PPP2R5A: variants seen among roughly 807,000 people sequenced by gnomAD.
The protein encoded by PPP2R5A is protein phosphatase 2 regulatory subunit B'alpha, also known as serine/threonine-protein phosphatase 2A 56 kDa regulatory subunit alpha isoform.
In PPP2R5A, 25 loss-of-function variants were observed where a neutral mutation model predicts 64.2. The observed-to-expected ratio is 0.39, with a 90% CI of 0.28 to 0.54. The LOEUF is 0.54. Among genes scored for constraint, PPP2R5A ranks in the 20% least tolerant of loss-of-function variants. The pLI is 0.67. For synonymous variants in PPP2R5A, 198 were observed against 201.2 expected, an observed-to-expected ratio of 0.98 and a Z score of 0.13; for missense variants, 425 against 576.3, an observed-to-expected ratio of 0.74 and a Z score of 2.69.
rs1660067656 is a variant in PPP2R5A at position 212,360,829 on chromosome 1, G to A, written c.*59G>A. On this transcript the variant is annotated 3_prime_UTR_variant, in exon 13 of 13. Transcript: ENST00000261461. Reference sequence around the variant, plus strand: ...AGTTTTGTATGCTTTTTTGAAATATGTAAAAATTACAAAACAAACCTCATC... The same window carrying A: ...AGTTTTGTATGCTTTTTTGAAATATATAAAAATTACAAAACAAACCTCATC... The A allele has an allele frequency of 2.8e-6, 4 of 1,447,304 alleles. No individual in the cohort carries two copies. The highest frequency in any genetic ancestry group is 3.7e-6 in the Non-Finnish European group (4 of 1,091,752). 89.7% of individuals were successfully genotyped at this position (1,447,304 alleles called of 1,614,324 possible).
chr1:212,317,583 ATTT>A (rs535465498), intron 1 of PPP2R5A, among the ~76,000 whole-genome samples: 1 of 147,824 alleles, frequency 6.8e-6, no homozygotes. Flanking sequence ...ATACACTCTG[ATTT>A]TTTTTTTTTA....
chr1:212,356,913 T>C, intron 9 of PPP2R5A, 37 bp from the exon 10 acceptor site: 1 of 1,450,628 alleles, frequency 6.9e-7, no homozygotes, highest in South Asian at 1.3e-5. Flanking sequence ...TTCACATAAT[T>C]TATCATGTTT....
At chr1:212,309,057 C>A in intron 1 of PPP2R5A, 1 of 775,680 alleles carries the variant, frequency 1.3e-6, no homozygotes, top group South Asian at 1.3e-5. Flanking sequence ...TTTAGATGAT[C>A]TCGATTTTGT....
chr1:212,319,571 CT>C (rs886151587), intron 1 of PPP2R5A: 2 of 149,606 alleles, frequency 1.3e-5, no homozygotes, highest in Non-Finnish European at 3.0e-5. Flanking sequence ...ATTGTCTGTG[CT>C]TTTTACATTT....
chr1:212,301,273 A>G (rs1490400992), intron 1 of PPP2R5A, among the ~76,000 whole-genome samples: 2 of 152,210 alleles, frequency 1.3e-5, no homozygotes, highest in Non-Finnish European at 2.9e-5. Flanking sequence ...GGCCCCCCCA[A>G]AGTGCTGGGA....
chr1:212,337,131 T>A (rs1217705102), intron 3 of PPP2R5A, among the ~76,000 whole-genome samples: 1 of 152,186 alleles, frequency 6.6e-6, no homozygotes, highest in Admixed American at 6.5e-5. Flanking sequence ...GGGGATAGGT[T>A]GTATCTTCTA....
chr1:212,311,826 A>G (rs1659039436), intron 1 of PPP2R5A, among the ~76,000 whole-genome samples: 1 of 152,226 alleles, frequency 6.6e-6, no homozygotes, highest in South Asian at 2.1e-4. Context: ...ACAGCTGTAC[A>G]GTGTGTGTTT....
chr1:212,325,295 A>C (rs1403853389), intron 1 of PPP2R5A, among the ~76,000 whole-genome samples: 2 of 152,142 alleles, frequency 1.3e-5, no homozygotes, highest in African/African-American at 4.8e-5. Flanking sequence ...TACCTAAGGG[A>C]AATTTTGTGG....
intron 5 of PPP2R5A, 81 bp downstream of exon 5, chr1:212,346,014 T>G: frequency 7.2e-6 from 10 of 1,386,756 alleles, no homozygotes; most frequent in Non-Finnish European, 9.7e-6. Flanking sequence ...TTTTATTTGT[T>G]TTTTTGAGAC....
At chr1:212,293,572 T>C (rs1423832571) in intron 1 of PPP2R5A, among the ~76,000 whole-genome samples, 3 of 152,232 alleles carry the variant, frequency 2.0e-5, no homozygotes, top group Non-Finnish European at 1.5e-5. Flanking sequence ...AGCCTAGTTT[T>C]TATATCTGTC....
At chr1:212,300,091 A>G (rs537319340) in intron 1 of PPP2R5A, among the ~76,000 whole-genome samples, 2 of 152,176 alleles carry the variant, frequency 1.3e-5, no homozygotes, top group Non-Finnish European at 2.9e-5. Context: ...AGGGATTAAC[A>G]GGTGTGAGCC....
intron 1 of PPP2R5A, among the ~76,000 whole-genome samples, chr1:212,328,641 G>A (rs952072999): frequency 2.6e-5 from 4 of 152,166 alleles, no homozygotes; most frequent in Non-Finnish European, 5.9e-5. Flanking sequence ...AGGTTGTTTG[G>A]AGGGTAAGTC....
intron 9 of PPP2R5A, 45 bp downstream of exon 9, chr1:212,356,721 C>T (rs1378005348): frequency 5.1e-6 from 8 of 1,579,992 alleles, no homozygotes; most frequent in Non-Finnish European, 8.7e-7. Context: ...TAGAACTTGT[C>T]AATCCCAGGG....
intron 1 of PPP2R5A, among the ~76,000 whole-genome samples, chr1:212,316,587 CTT>C (rs751228809): frequency 0.038 from 1,390 of 36,648 alleles, 49 homozygotes; most frequent in African/African-American, 0.11. Context: ...TTGTGGGTGA[CTT>C]TTTTTTTTTT....
intron 12 of PPP2R5A, among the ~76,000 whole-genome samples, chr1:212,360,080 T>C (rs544938552): frequency 1.3e-5 from 2 of 152,328 alleles, no homozygotes; most frequent in African/African-American, 4.8e-5. Flanking sequence ...ATTAATTAGT[T>C]GAAACGACAT....
intron 1 of PPP2R5A, chr1:212,301,706 C>T (rs1658802096): frequency 1.7e-6 from 1 of 591,724 alleles, no homozygotes; most frequent in East Asian, 1.3e-4. Context: ...AGGGGTATTG[C>T]CAAAAAAAGC....
intron 8 of PPP2R5A, chr1:212,352,988 G>GT (rs1481131304): frequency 7.8e-6 from 4 of 515,546 alleles, no homozygotes; most frequent in Admixed American, 5.8e-5. Context: ...TGTTGCCTTA[G>GT]TTGCTGTGAA....
Position 212,286,184 on chromosome 1 carries a change from C to A in PPP2R5A, c.74C>A (p.Thr25Asn). The part of the protein sequence containing the change: ...ISASEKVDGF[T>N]RKSVRKAQRQ... ...GCCTCGGAGAAAGTGGACGGCTTCA[C>A]CCGGAAATCGGTCCGCAAGGCGCAG... Residue 25 changes from threonine (T) to asparagine (N), a missense_variant, in exon 1 of 13, where the codon ACC becomes AAC. By Grantham distance (65) the Thr-to-Asn change is moderately conservative. Around this residue, in one of 4 missense-constraint regions of PPP2R5A, gnomAD observed 104 missense variants for 95.7 expected, o/e 1.09. Transcript: ENST00000261461. 1 of 1,590,336 alleles carries A rather than the reference C, an allele frequency of 6.3e-7. No individual in the cohort carries two copies. Among genetic ancestry groups the A allele is most frequent in the Non-Finnish European group, 8.5e-7 (1 of 1,169,792 alleles).
chr1:212,357,352 C>CCTAA (rs1209523066), intron 11 of PPP2R5A, 68 bp downstream of exon 11: 1 of 1,330,416 alleles, frequency 7.5e-7, no homozygotes, highest in Non-Finnish European at 1.0e-6. Context: ...TTATTGATTT[C>CCTAA]CTAACTCATA....
Sources: allele counts gnomAD v4.1 joint callset (sites outside exome capture counted in the v4.1 genomes callset), GRCh38; gene constraint gnomAD v4.1.1; regional missense constraint gnomAD v4.1.1; transcripts MANE v1.5; gene names NCBI Gene and HGNC (gene_info 2026-07-23, HGNC 2026-07-21).